LRMDA: variants seen among roughly 807,000 people sequenced by gnomAD.
The protein encoded by LRMDA is leucine-rich melanocyte differentiation-associated protein.
LRMDA carries 18 observed loss-of-function variants against 29.8 expected under a neutral mutation model. That is an observed-to-expected ratio of 0.60 (90% CI 0.42 to 0.90). The LOEUF is 0.90. LRMDA is among the 40% of genes least tolerant of loss of function. The pLI is 0.00. For missense variants in LRMDA, 273 were observed against 273.9 expected, an observed-to-expected ratio of 1.00 and a Z score of 0.02; for synonymous variants, 125 against 109.4, an observed-to-expected ratio of 1.14 and a Z score of -0.89.
At chr10:75,654,279 T>G (rs2132129117) in intron 2 of LRMDA, among the ~76,000 whole-genome samples, 1 of 152,368 alleles carries the variant, frequency 6.6e-6, no homozygotes, top group South Asian at 2.1e-4. Flanking sequence ...TGAGCCTTAC[T>G]TGTACATTGG....
chr10:76,232,689 G>A (rs1325685376), intron 5 of LRMDA, among the ~76,000 whole-genome samples: 5 of 152,160 alleles, frequency 3.3e-5, no homozygotes, highest in South Asian at 2.1e-4. Context: ...ACTGGTTCCC[G>A]AGTTCTTGTC....
intron 2 of LRMDA, among the ~76,000 whole-genome samples, chr10:75,684,932 G>A (rs1170452786): frequency 1.3e-5 from 2 of 152,164 alleles, no homozygotes; most frequent in East Asian, 3.9e-4. Context: ...TCATTACTCT[G>A]CAAGTGTGGC....
At chr10:75,631,941 TTTTG>T (rs775696443) in intron 2 of LRMDA, among the ~76,000 whole-genome samples, 8 of 152,112 alleles carry the variant, frequency 5.3e-5, no homozygotes, top group Non-Finnish European at 1.0e-4. Context: ...GGGATGATGA[TTTTG>T]TTTGTTTGGT....
At chr10:75,800,900 A>G (rs868408476) in intron 2 of LRMDA, among the ~76,000 whole-genome samples, 60 of 152,272 alleles carry the variant, frequency 3.9e-4, no homozygotes, top group African/African-American at 1.4e-3. Context: ...TTTTGCACCT[A>G]CTGGCTGACT....
intron 5 of LRMDA, among the ~76,000 whole-genome samples, chr10:76,118,131 G>T (rs1849698097): frequency 6.6e-6 from 1 of 152,136 alleles, no homozygotes; most frequent in African/African-American, 2.4e-5. Flanking sequence ...TAAAATTTGG[G>T]AATCATTTTA....
intron 2 of LRMDA, among the ~76,000 whole-genome samples, chr10:76,028,691 C>A (rs1336946467): frequency 6.6e-6 from 1 of 151,998 alleles, no homozygotes; most frequent in Non-Finnish European, 1.5e-5. Context: ...CAATTTGAGC[C>A]ATTAATCAGT....
intron 2 of LRMDA, among the ~76,000 whole-genome samples, chr10:75,864,351 T>C (rs544500710): frequency 4.6e-5 from 7 of 152,174 alleles, no homozygotes; most frequent in Non-Finnish European, 1.0e-4. Flanking sequence ...CTATGGGACA[T>C]GATGCAGGTT....
Position 75,454,481 on chromosome 10 carries a change from G to A in LRMDA, c.131+15987G>A, listed in dbSNP as rs1040842342. Reference sequence around the variant, plus strand: ...ACCATACTCTGGGGTATCGTTTTCCGAGTCCCAACACAGTCTTTAAGGTGG... The same window carrying A: ...ACCATACTCTGGGGTATCGTTTTCCAAGTCCCAACACAGTCTTTAAGGTGG... On this transcript the variant is annotated intron_variant, in intron 2 of 6. Coordinates refer to ENST00000611255, the MANE Select transcript of LRMDA (RefSeq NM_001305581.2). Among the ~76,000 whole-genome samples the A allele has an allele frequency of 4.6e-5, 7 of 152,100 alleles. No homozygotes were observed. In the East Asian group the frequency reaches 5.8e-4, roughly 13 times the overall value.
chr10:75,526,545 G>C (rs1314158696), intron 2 of LRMDA, among the ~76,000 whole-genome samples: 2 of 151,684 alleles, frequency 1.3e-5, no homozygotes, highest in African/African-American at 4.8e-5. Flanking sequence ...ATATTTAATT[G>C]TTTGGTTAAA....
At chr10:75,776,298 C>T (rs368445506) in intron 2 of LRMDA, among the ~76,000 whole-genome samples, 1 of 152,108 alleles carries the variant, frequency 6.6e-6, no homozygotes, top group Non-Finnish European at 1.5e-5. Flanking sequence ...TGATTCAGTC[C>T]AGTAGTTCGC....
intron 6 of LRMDA, among the ~76,000 whole-genome samples, chr10:76,519,045 A>C (rs1435375144): frequency 6.6e-6 from 1 of 152,176 alleles, no homozygotes; most frequent in Non-Finnish European, 1.5e-5. Context: ...GTGGTGGTTT[A>C]CATGTGTAAT....
chr10:75,783,610 C>G (rs1484685904), intron 2 of LRMDA, among the ~76,000 whole-genome samples: 3 of 152,090 alleles, frequency 2.0e-5, no homozygotes, highest in African/African-American at 7.2e-5. Context: ...AATCCACGTG[C>G]CATCCCTCCA....
intron 6 of LRMDA, among the ~76,000 whole-genome samples, chr10:76,348,830 G>T (rs1176578393): frequency 6.6e-6 from 1 of 152,212 alleles, no homozygotes; most frequent in Non-Finnish European, 1.5e-5. Context: ...ACAAATAAAT[G>T]CAGCAAACTG....
intron 2 of LRMDA, among the ~76,000 whole-genome samples, chr10:75,784,074 A>G (rs977045842): frequency 1.3e-5 from 2 of 152,202 alleles, no homozygotes; most frequent in East Asian, 3.9e-4. Context: ...TTACCATTAC[A>G]CTCTAGATTA....
intron 5 of LRMDA, among the ~76,000 whole-genome samples, chr10:76,104,629 G>C (rs946837220): frequency 2.0e-5 from 3 of 152,010 alleles, no homozygotes; most frequent in African/African-American, 7.3e-5. Context: ...AGTGTCCCCG[G>C]GGTTCCTTTG....
chr10:75,673,189 T>C (rs1004998835), intron 2 of LRMDA, among the ~76,000 whole-genome samples: 1 of 152,142 alleles, frequency 6.6e-6, no homozygotes, highest in Admixed American at 6.5e-5. Context: ...GTATGTTCTA[T>C]GGAACCTTTC....
chr10:76,175,863 A>G (rs1238001027), intron 5 of LRMDA, among the ~76,000 whole-genome samples: 1 of 152,198 alleles, frequency 6.6e-6, no homozygotes, highest in Non-Finnish European at 1.5e-5. Flanking sequence ...GACCTGGGCT[A>G]TAATTGAGAA....
At chr10:76,176,394 G>A (rs1245474494) in intron 5 of LRMDA, among the ~76,000 whole-genome samples, 2 of 152,218 alleles carry the variant, frequency 1.3e-5, no homozygotes, top group African/African-American at 2.4e-5. Flanking sequence ...TGCAGAAGTT[G>A]TGTGTGACTG....
chr10:76,087,648 T>C (rs1370927465), intron 5 of LRMDA, among the ~76,000 whole-genome samples: 1 of 152,026 alleles, frequency 6.6e-6, no homozygotes, highest in African/African-American at 2.4e-5. Context: ...GTGTTCAATA[T>C]TGGAAGGGCT....
Sources: gnomAD v4.1 joint callset for allele counts (sites outside exome capture counted in the v4.1 genomes callset) on GRCh38, gnomAD v4.1.1 for gene constraint, MANE v1.5 for transcripts, NCBI Gene and HGNC (gene_info 2026-07-23, HGNC 2026-07-21) for gene names.